The following WWOX variants were observed in gnomAD, a reference collection of about 807,000 sequenced individuals.
WWOX encodes WW domain containing oxidoreductase.
Under a neutral mutation model 46.2 loss-of-function variants are expected in WWOX, and 69 were observed. That is an observed-to-expected ratio of 1.49 (90% CI 1.23 to 1.82). The LOEUF is 1.82. Among genes scored for constraint, WWOX ranks in the 40% most tolerant of loss-of-function variants. The pLI, the probability that WWOX is intolerant of heterozygous loss-of-function variation, is 0.00. For synonymous variants in WWOX, 359 were observed against 202.6 expected, an observed-to-expected ratio of 1.77 and a Z score of -6.56; for missense variants, 919 against 542.6, an observed-to-expected ratio of 1.69 and a Z score of -6.89.
intron 5 of WWOX, among the ~76,000 whole-genome samples, chr16:78,301,788 C>G (rs2080045734): frequency 6.6e-6 from 1 of 152,152 alleles, no homozygotes; most frequent in South Asian, 2.1e-4. Context: ...GTAACAGACA[C>G]ACCGCCAGGC....
At chr16:78,891,991 T>C (rs910438335) in intron 8 of WWOX, 5 of 152,196 alleles carry the variant, frequency 3.3e-5, no homozygotes, top group African/African-American at 1.2e-4. Flanking sequence ...CTAGGATATT[T>C]AAGCTGTCAG....
intron 5 of WWOX, among the ~76,000 whole-genome samples, chr16:78,212,642 G>C (rs560554990): frequency 1.3e-5 from 2 of 152,296 alleles, no homozygotes; most frequent in South Asian, 2.1e-4. Context: ...CCACGAAAGA[G>C]GGTATGCAGC....
intron 8 of WWOX, among the ~76,000 whole-genome samples, chr16:78,934,005 A>C (rs1264148641): frequency 1.3e-5 from 2 of 152,014 alleles, no homozygotes; most frequent in East Asian, 2.0e-4. Flanking sequence ...TAGCCGAGGC[A>C]ACACATAGAG....
chr16:78,929,481 C>G (rs1439546301), intron 8 of WWOX, among the ~76,000 whole-genome samples: 1 of 151,898 alleles, frequency 6.6e-6, no homozygotes, highest in South Asian at 2.1e-4. Context: ...ATTTCCAATG[C>G]TAAGGAGAGG....
intron 4 of WWOX, among the ~76,000 whole-genome samples, chr16:78,143,761 T>TTC (rs1232753619): frequency 6.6e-6 from 1 of 151,096 alleles, no homozygotes; most frequent in Non-Finnish European, 1.5e-5. Context: ...TGTTTTTTTT[T>TTC]TTTTTTTTTT....
intron 8 of WWOX, among the ~76,000 whole-genome samples, chr16:79,152,007 C>T (rs1399958982): frequency 3.9e-5 from 6 of 152,196 alleles, no homozygotes; most frequent in Non-Finnish European, 7.3e-5. Context: ...AACTAGTTTT[C>T]ATTGTCACTG....
intron 8 of WWOX, among the ~76,000 whole-genome samples, chr16:78,494,985 C>T (rs1191317633): frequency 1.3e-5 from 2 of 152,144 alleles, no homozygotes; most frequent in African/African-American, 2.4e-5. Flanking sequence ...GTTTCTTATG[C>T]TGTGGCGAAA....
chr16:79,070,431 G>C (rs1567529283), intron 8 of WWOX, among the ~76,000 whole-genome samples: 1 of 152,160 alleles, frequency 6.6e-6, no homozygotes, highest in Non-Finnish European at 1.5e-5. Flanking sequence ...TATCAGTCCA[G>C]ATGCCCTTTT....
intron 8 of WWOX, among the ~76,000 whole-genome samples, chr16:78,772,762 T>C (rs1203026412): frequency 6.6e-6 from 1 of 152,190 alleles, no homozygotes; most frequent in African/African-American, 2.4e-5. Context: ...CTCACACCTG[T>C]AATCTCAGCG....
At position 78,329,678 on chromosome 16, in the gene WWOX, G is replaced by T. The variant is rs192128817; in HGVS notation, c.517-57182G>T. Among the ~76,000 whole-genome samples, 658 of 152,122 alleles carry T rather than the reference G, an allele frequency of 4.3e-3. 2 individuals carry two copies. Among genetic ancestry groups the T allele is most frequent in the Middle Eastern group, 0.027 (8 of 294 alleles). On this transcript the variant is annotated intron_variant, in intron 5 of 8. Coordinates refer to ENST00000566780, the MANE Select transcript of WWOX (RefSeq NM_016373.4). The stretch of plus-strand genomic sequence containing the variant: ...TGGGGAAGCGTGCTCTGTTATTCTT[G>T]CCAATGTAGCCAACATATACATGGG...
At chr16:79,136,130 C>G (rs976931677) in intron 8 of WWOX, among the ~76,000 whole-genome samples, 2 of 152,074 alleles carry the variant, frequency 1.3e-5, no homozygotes, top group African/African-American at 2.4e-5. Flanking sequence ...AGTCAACGTC[C>G]AACTGCCAAT....
chr16:78,131,999 C>G (rs2033614603), intron 4 of WWOX, among the ~76,000 whole-genome samples: 1 of 149,018 alleles, frequency 6.7e-6, no homozygotes, highest in Non-Finnish European at 1.5e-5. Flanking sequence ...CTACTAGTCT[C>G]TGATTTTTCT....
chr16:78,730,789 A>T (rs562430982), intron 8 of WWOX, among the ~76,000 whole-genome samples: 1 of 152,126 alleles, frequency 6.6e-6, no homozygotes, highest in East Asian at 1.9e-4. Context: ...AGGAAAAAAA[A>T]GTGACACAGT....
At chr16:78,257,615 C>T (rs2151833850) in intron 5 of WWOX, among the ~76,000 whole-genome samples, 1 of 152,264 alleles carries the variant, frequency 6.6e-6, no homozygotes, top group Non-Finnish European at 1.5e-5. Context: ...CAATTAAAAC[C>T]AAGGAATGGA....
chr16:78,756,611 G>A (rs57138895), intron 8 of WWOX, among the ~76,000 whole-genome samples: 10,591 of 152,204 alleles, frequency 0.07, 1,211 homozygotes, highest in African/African-American at 0.24. Flanking sequence ...GGTTACTGAC[G>A]CTGTGTACTG....
chr16:78,309,716 T>TAC (rs2080204012), intron 5 of WWOX, among the ~76,000 whole-genome samples: 2 of 152,126 alleles, frequency 1.3e-5, no homozygotes, highest in African/African-American at 4.8e-5. Context: ...TCAATCAACG[T>TAC]ACGTGACTAC....
At chr16:78,751,014 A>G (rs1363886470) in intron 8 of WWOX, among the ~76,000 whole-genome samples, 5 of 152,126 alleles carry the variant, frequency 3.3e-5, no homozygotes, top group Admixed American at 2.6e-4. Context: ...ACCCACTAAT[A>G]AGATTGCTAG....
chr16:78,393,978 A>G (rs572846092), intron 6 of WWOX, among the ~76,000 whole-genome samples: 100 of 152,310 alleles, frequency 6.6e-4, no homozygotes, highest in African/African-American at 2.3e-3. Flanking sequence ...ACTTGAATCT[A>G]CTAATCCCAG....
At chr16:78,633,743 A>G (rs1266730993) in intron 8 of WWOX, among the ~76,000 whole-genome samples, 5 of 152,058 alleles carry the variant, frequency 3.3e-5, no homozygotes, top group African/African-American at 1.2e-4. Flanking sequence ...TTCTTCTCCG[A>G]CTTATGTATG....
Sources: allele counts gnomAD v4.1 joint callset (sites outside exome capture counted in the v4.1 genomes callset), GRCh38; gene constraint gnomAD v4.1.1; transcripts MANE v1.5; gene names NCBI Gene and HGNC (gene_info 2026-07-23, HGNC 2026-07-21).